The following AFF2 variants were observed in gnomAD, a reference collection of about 807,000 sequenced individuals.
AFF2 encodes AF4/FMR2 family member 2.
AFF2 carries 14 observed loss-of-function variants against 76.9 expected under a neutral mutation model. The ratio of observed to expected loss-of-function variants is 0.18; its 90% CI spans 0.12 to 0.28. The LOEUF (loss-of-function observed/expected upper bound fraction) is 0.28. Among genes scored for constraint, AFF2 ranks in the 10% least tolerant of loss-of-function variants. AFF2 has a pLI of 1.00. For missense variants in AFF2, 868 were observed against 1,001.1 expected, an observed-to-expected ratio of 0.87 and a Z score of 1.79; for synonymous variants, 398 against 366.7, an observed-to-expected ratio of 1.09 and a Z score of -0.98.
At chrX:148,608,592 T>C (rs2053696883) in intron 1 of AFF2, among the ~76,000 whole-genome samples, 1 of 109,406 alleles carries the variant, frequency 9.1e-6, no homozygotes, top group African/African-American at 3.3e-5. Context: ...TGTAGGTCAC[T>C]GTAACCTCAG....
intron 1 of AFF2, among the ~76,000 whole-genome samples, chrX:148,624,084 A>C (rs189120583): frequency 9.8e-5 from 11 of 112,051 alleles, no homozygotes; most frequent in Non-Finnish European, 1.7e-4. Flanking sequence ...ACATAGGCTT[A>C]TTTTGTAAGG....
chrX:148,998,248 C>A lies in AFF2; in HGVS notation c.*6916C>A, dbSNP rs1246953275. On this transcript the variant is annotated 3_prime_UTR_variant, in exon 21 of 21. Transcript: ENST00000370460. ...GTGGTGGTAGTGGTTGTATCTGTGG[C>A]TGTGATGGTTGTTGTTACTTGTCTC... 1 of 111,813 alleles carries A rather than the reference C, an allele frequency of 8.9e-6. No individual in the cohort carries two copies. The highest frequency in any genetic ancestry group is 1.9e-5 in the Non-Finnish European group (1 of 53,119). 9.2% of individuals were successfully genotyped at this position (111,813 alleles called of 1,213,427 possible).
At position 148,917,542 on chromosome X, in the gene AFF2, G is replaced by A. The variant is rs1274486040; in HGVS notation, c.1397+13284G>A. On this transcript the variant is annotated intron_variant, in intron 9 of 20. Coordinates refer to ENST00000370460, the MANE Select transcript of AFF2 (RefSeq NM_002025.4). ...CACTTGTCCTCTTCTTTGGAGTTATGAAGTCTGAGATGCATCTGATACTTC... is the reference window on the plus strand; with the variant it reads ...CACTTGTCCTCTTCTTTGGAGTTATAAAGTCTGAGATGCATCTGATACTTC... Among the ~76,000 whole-genome samples, 4 of 112,178 alleles carry A rather than the reference G, an allele frequency of 3.6e-5. No individual in the cohort carries two copies. The Admixed American group carries it at 3.8e-4, about 11-fold the overall frequency.
chrX:148,518,323 C>A lies in AFF2; in HGVS notation c.47+17179C>A, dbSNP rs371717800. ...ATCAGTGTGGGTGTCAGATAACAGC[C>A]TTTGTGGTGAGAAGTTTATTGTATT... On this transcript the variant is annotated intron_variant, in intron 1 of 20. Coordinates refer to ENST00000370460, the MANE Select transcript of AFF2 (RefSeq NM_002025.4). Among the ~76,000 whole-genome samples, 5 of 111,928 alleles carry A rather than the reference C, an allele frequency of 4.5e-5. No homozygotes were observed. In the East Asian group the frequency reaches 1.1e-3, roughly 25 times the overall value.
intron 1 of AFF2, among the ~76,000 whole-genome samples, chrX:148,574,627 G>A (rs1557243070): frequency 9.0e-6 from 1 of 111,324 alleles, no homozygotes; most frequent in African/African-American, 3.3e-5. Context: ...CTGGAGGCAA[G>A]GAATGGTGGG....
intron 7 of AFF2, among the ~76,000 whole-genome samples, chrX:148,849,005 G>A (rs782355401): frequency 2.7e-5 from 3 of 111,584 alleles, no homozygotes; most frequent in East Asian, 5.7e-4. Flanking sequence ...ATGAATCAGC[G>A]TGTGGTCCTT....
intron 3 of AFF2, among the ~76,000 whole-genome samples, chrX:148,707,194 A>T (rs781876312): frequency 1.8e-5 from 2 of 112,127 alleles, no homozygotes; most frequent in East Asian, 5.6e-4. Flanking sequence ...ACACCATCTA[A>T]TTCTCATTTC....
chrX:148,908,012 C>T (rs1264703855), intron 9 of AFF2, among the ~76,000 whole-genome samples: 1 of 111,758 alleles, frequency 8.9e-6, no homozygotes, highest in African/African-American at 3.3e-5. Flanking sequence ...AATATTTCTC[C>T]CATTTGCTTT....
chrX:148,608,946 A>G (rs916432891), intron 1 of AFF2, among the ~76,000 whole-genome samples: 10 of 111,898 alleles, frequency 8.9e-5, no homozygotes, highest in Non-Finnish European at 1.7e-4. Flanking sequence ...CTGAGCTTAT[A>G]GAGCTGAGGG....
At chrX:148,896,847 A>G (rs2071290580) in intron 8 of AFF2, among the ~76,000 whole-genome samples, 1 of 110,184 alleles carries the variant, frequency 9.1e-6, no homozygotes, top group South Asian at 3.9e-4. Flanking sequence ...AGTTCAGACT[A>G]TTTTGAGTTG....
At chrX:148,613,268 G>T (rs782166101) in intron 1 of AFF2, among the ~76,000 whole-genome samples, 1 of 111,973 alleles carries the variant, frequency 8.9e-6, no homozygotes, top group East Asian at 2.8e-4. Context: ...CCACAGGGAG[G>T]CCTTGGTGGG....
intron 4 of AFF2, among the ~76,000 whole-genome samples, chrX:148,811,790 A>G (rs2070205922): frequency 8.9e-6 from 1 of 111,905 alleles, no homozygotes; most frequent in Admixed American, 9.5e-5. Context: ...TGGCGACACC[A>G]GTCTCCTAAA....
chrX:148,509,949 C>A (rs1233136909), intron 1 of AFF2, among the ~76,000 whole-genome samples: 2 of 111,429 alleles, frequency 1.8e-5, no homozygotes, highest in Admixed American at 9.5e-5. Flanking sequence ...TCCTCCGTCC[C>A]TCAAACTCCC....
At chrX:148,802,252 T>C (rs782631248) in intron 3 of AFF2, among the ~76,000 whole-genome samples, 2 of 112,137 alleles carry the variant, frequency 1.8e-5, no homozygotes, top group South Asian at 7.5e-4. Context: ...CATAACCCGG[T>C]GACCAGCCCA....
At chrX:148,654,828 T>C (rs2054235346) in intron 2 of AFF2, among the ~76,000 whole-genome samples, 1 of 109,059 alleles carries the variant, frequency 9.2e-6, no homozygotes, top group Non-Finnish European at 1.9e-5. Context: ...TGTCTTATCC[T>C]TTCTCAAGCT....
chrX:148,771,489 G>A (rs1447402874), intron 3 of AFF2, among the ~76,000 whole-genome samples: 1 of 112,014 alleles, frequency 8.9e-6, no homozygotes, highest in Non-Finnish European at 1.9e-5. Context: ...CAAGAGAATG[G>A]CCCCTGATTT....
Position 148,904,222 on chromosome X carries a change from C to A in AFF2, c.1361C>A (p.Ala454Asp). Residue 454 changes from alanine (A) to aspartate (D), a missense_variant and splice_region_variant, in exon 9 of 21, where the codon GCT (alanine) becomes GAT (aspartate). Ala to Asp is a moderately radical substitution (Grantham distance 126). This residue lies in a region of AFF2 where 532 missense variants were observed against 564.2 expected (regional missense o/e 0.94). Coordinates refer to ENST00000370460, the MANE Select transcript of AFF2 (RefSeq NM_002025.4). ...TQCTATELYQ[A>D]VEKAKPRNNP... is the part of the protein sequence containing the mutation. ...TTGCATTTTTTCTTCTGTTTACAGGCTGTTGAAAAGGCAAAACCTAGGAAT... is the reference window on the plus strand; with the variant it reads ...TTGCATTTTTTCTTCTGTTTACAGGATGTTGAAAAGGCAAAACCTAGGAAT... 2 of 1,140,307 alleles carry A rather than the reference C, an allele frequency of 1.8e-6. No homozygotes were observed. The highest frequency in any genetic ancestry group is 1.2e-6 in the Non-Finnish European group (1 of 833,714). 94.0% of individuals were successfully genotyped at this position (1,140,307 alleles called of 1,213,427 possible). A position where few individuals can be genotyped will look rare whatever the true frequency, so the allele number is the denominator to read the frequency against.
At chrX:148,758,923 G>A (rs1275849756) in intron 3 of AFF2, among the ~76,000 whole-genome samples, 2 of 111,416 alleles carry the variant, frequency 1.8e-5, no homozygotes, top group Non-Finnish European at 3.8e-5. Context: ...ATAGGGGTCC[G>A]CCACAATGCC....
chrX:148,724,079 G>C (rs888566740), intron 3 of AFF2, among the ~76,000 whole-genome samples: 1 of 109,464 alleles, frequency 9.1e-6, no homozygotes, highest in Non-Finnish European at 1.9e-5. Flanking sequence ...TTCCCATCCC[G>C]TTCCTAGCAA....
Sources: allele counts gnomAD v4.1 joint callset (sites outside exome capture counted in the v4.1 genomes callset), GRCh38; gene constraint gnomAD v4.1.1; regional missense constraint gnomAD v4.1.1; transcripts MANE v1.5; gene names NCBI Gene and HGNC (gene_info 2026-07-23, HGNC 2026-07-21).